The following NTM variants were observed in gnomAD, a reference collection of about 807,000 sequenced individuals.
The protein encoded by NTM is neurotrimin, also known as IgLON family member 2.
In NTM, 13 loss-of-function variants were observed where a neutral mutation model predicts 42.1. The observed-to-expected ratio is 0.31, with a 90% CI of 0.20 to 0.49. The LOEUF (loss-of-function observed/expected upper bound fraction) is 0.49. NTM is among the 20% of genes least tolerant of loss of function. The pLI is 0.99. For synonymous variants in NTM, 187 were observed against 179.2 expected (o/e 1.04, Z -0.35); for missense variants, 373 against 452.8 (o/e 0.82, Z 1.60).
chr11:131,926,054 C>T (rs1318100038), intron 2 of NTM, among the ~76,000 whole-genome samples: 2 of 152,070 alleles, frequency 1.3e-5, no homozygotes, highest in Admixed American at 6.6e-5. Flanking sequence ...GTGCTAAGTT[C>T]CTCTCTTGCA....
chr11:132,332,507 A>C (rs1188730010), intron 8 of NTM: 1 of 152,054 alleles, frequency 6.6e-6, no homozygotes, highest in Non-Finnish European at 1.5e-5. Context: ...CATAGGAAGA[A>C]TTTTCTAACA....
At chr11:132,118,465 T>C (rs1212377457) in intron 2 of NTM, among the ~76,000 whole-genome samples, 2 of 152,188 alleles carry the variant, frequency 1.3e-5, no homozygotes, top group African/African-American at 4.8e-5. Flanking sequence ...GCAAGGAAGA[T>C]AAAGCAAGGT....
intron 1 of NTM, among the ~76,000 whole-genome samples, chr11:131,570,443 C>T (rs147067110): frequency 1.3e-5 from 2 of 152,274 alleles, no homozygotes; most frequent in East Asian, 1.9e-4. Context: ...GAAAGAGATG[C>T]TTTTAGAACA....
At chr11:131,776,329 T>C (rs1183050030) in intron 1 of NTM, among the ~76,000 whole-genome samples, 1 of 152,222 alleles carries the variant, frequency 6.6e-6, no homozygotes. Flanking sequence ...TAATTTTATC[T>C]TGAACTCATC....
intron 1 of NTM, among the ~76,000 whole-genome samples, chr11:131,598,087 G>T (rs2059970788): frequency 6.6e-6 from 1 of 152,208 alleles, no homozygotes; most frequent in Non-Finnish European, 1.5e-5. Context: ...GTCCCCTGGG[G>T]ACTGAGCTCA....
chr11:132,218,914 T>G (rs2084510571), intron 4 of NTM, among the ~76,000 whole-genome samples: 1 of 152,184 alleles, frequency 6.6e-6, no homozygotes, highest in Admixed American at 6.5e-5. Context: ...AGGGGATTTG[T>G]ATTCCCTTGC....
intron 3 of NTM, among the ~76,000 whole-genome samples, chr11:132,177,989 CA>C (rs2077054827): frequency 6.6e-6 from 1 of 152,182 alleles, no homozygotes; most frequent in Admixed American, 6.5e-5. Flanking sequence ...ACTCACATGA[CA>C]AAAGAAATGG....
rs113490031 is a variant in NTM at position 132,033,416 on chromosome 11, A to G, written c.168-112866A>G. Among the ~76,000 whole-genome samples the G allele has an allele frequency of 3.3e-5, 5 of 152,386 alleles. 1 individual carries two copies. Among genetic ancestry groups the G allele is most frequent in the African/African-American group, 9.6e-5 (4 of 41,604 alleles). On this transcript the variant is annotated intron_variant, in intron 2 of 8. Coordinates refer to ENST00000683400, the MANE Select transcript of NTM (RefSeq NM_001352005.2). ...ATGATTTCCAGCAGCTATTGAAGAT[A>G]AATTCCAATGCAAAGTAGAAAGCTT...
At chr11:131,522,727 T>C (rs1312071644) in intron 1 of NTM, among the ~76,000 whole-genome samples, 3 of 152,212 alleles carry the variant, frequency 2.0e-5, no homozygotes, top group African/African-American at 7.2e-5. Flanking sequence ...CTGACTCCAC[T>C]CAGTGCTTTC....
chr11:131,956,313 C>G (rs2061549588), intron 2 of NTM, among the ~76,000 whole-genome samples: 1 of 152,096 alleles, frequency 6.6e-6, no homozygotes, highest in African/African-American at 2.4e-5. Context: ...TTTGAAAGTC[C>G]TAGTTATTAA....
At position 131,986,693 on chromosome 11, in the gene NTM, A is replaced by C. The variant is rs980089790; in HGVS notation, c.167+75045A>C. Among the ~76,000 whole-genome samples, 14 of 152,228 alleles carry C rather than the reference A, an allele frequency of 9.2e-5. 1 individual carries two copies. The highest frequency in any genetic ancestry group is 5.2e-4 in the Admixed American group (8 of 15,280). The stretch of plus-strand genomic sequence containing the variant: ...CATGTGACTTATTTATTTGGTTTGT[A>C]TTTGCCTTCCTTATTAGGAATATAA... On this transcript the variant is annotated intron_variant, in intron 2 of 8. Coordinates refer to ENST00000683400, the MANE Select transcript of NTM (RefSeq NM_001352005.2).
intron 3 of NTM, among the ~76,000 whole-genome samples, chr11:132,203,658 G>A (rs1191700669): frequency 6.6e-6 from 1 of 152,204 alleles, no homozygotes; most frequent in Admixed American, 6.5e-5. Context: ...TTGGGAGGCT[G>A]AGGCGGGCAG....
intron 1 of NTM, among the ~76,000 whole-genome samples, chr11:131,845,309 C>T (rs149169164): frequency 6.6e-6 from 1 of 152,120 alleles, no homozygotes; most frequent in East Asian, 1.9e-4. Flanking sequence ...ATACCTCAGA[C>T]AAAAATAAAT....
intron 1 of NTM, among the ~76,000 whole-genome samples, chr11:131,655,554 T>C (rs569638678): frequency 6.6e-6 from 1 of 152,284 alleles, no homozygotes; most frequent in East Asian, 1.9e-4. Context: ...TCTCAGCTGC[T>C]TTGCTGTAAA....
intron 3 of NTM, among the ~76,000 whole-genome samples, chr11:132,155,347 C>T (rs1384642067): frequency 2.6e-5 from 4 of 152,202 alleles, no homozygotes; most frequent in African/African-American, 9.7e-5. Flanking sequence ...GAGCACCCCT[C>T]ATTGTTGTGA....
At chr11:131,399,609 T>G (rs1944910138) in intron 1 of NTM, among the ~76,000 whole-genome samples, 1 of 152,196 alleles carries the variant, frequency 6.6e-6, no homozygotes, top group African/African-American at 2.4e-5. Flanking sequence ...GCTAATCCTA[T>G]ACTCTTACCC....
At chr11:132,087,197 T>A (rs2059829802) in intron 2 of NTM, among the ~76,000 whole-genome samples, 1 of 152,174 alleles carries the variant, frequency 6.6e-6, no homozygotes, top group South Asian at 2.1e-4. Flanking sequence ...CCCATGGTTG[T>A]CAGTGTGGCT....
chr11:131,931,761 T>G (rs961641447), intron 2 of NTM, among the ~76,000 whole-genome samples: 9 of 151,058 alleles, frequency 6.0e-5, no homozygotes, highest in Admixed American at 3.3e-4. Context: ...TGGTGGGGGG[T>G]GGTGCAGGAG....
At chr11:131,698,981 A>G (rs1295029487) in intron 1 of NTM, among the ~76,000 whole-genome samples, 3 of 152,192 alleles carry the variant, frequency 2.0e-5, no homozygotes, top group Non-Finnish European at 2.9e-5. Context: ...TTAGGGAAAC[A>G]TGAGAGGTGG....
Sources: allele counts gnomAD v4.1 joint callset (sites outside exome capture counted in the v4.1 genomes callset), GRCh38; gene constraint gnomAD v4.1.1; transcripts MANE v1.5; gene names NCBI Gene and HGNC (gene_info 2026-07-23, HGNC 2026-07-21).